ZCCHC8: variants seen among roughly 807,000 people sequenced by gnomAD.
The protein encoded by ZCCHC8 is zinc finger CCHC domain-containing protein 8.
A neutral mutation model predicts 70.6 loss-of-function variants in ZCCHC8; 27 were observed. The ratio of observed to expected loss-of-function variants is 0.38; its 90% CI spans 0.28 to 0.53. ZCCHC8 has a LOEUF of 0.53. Among genes scored for constraint, ZCCHC8 ranks in the 20% least tolerant of loss-of-function variants. ZCCHC8 has a pLI of 0.81. For synonymous variants in ZCCHC8, 293 were observed against 317.4 expected, an observed-to-expected ratio of 0.92 and a Z score of 0.82; for missense variants, 737 against 876.9, an observed-to-expected ratio of 0.84 and a Z score of 2.01.
intron 11 of ZCCHC8, among the ~76,000 whole-genome samples, chr12:122,478,977 G>A (rs999968494): frequency 1.4e-4 from 21 of 152,162 alleles, no homozygotes; most frequent in African/African-American, 4.8e-4. Context: ...ACACAGTCTT[G>A]CGTGATTGAG....
At chr12:122,478,752 A>C (rs1957472897) in intron 11 of ZCCHC8, among the ~76,000 whole-genome samples, 1 of 151,850 alleles carries the variant, frequency 6.6e-6, no homozygotes, top group Non-Finnish European at 1.5e-5. Context: ...TCTCATCTCC[A>C]ATCGCACATT....
At chr12:122,498,976 C>T in intron 1 of ZCCHC8, 107 bp from the exon 2 acceptor site, 3 of 1,051,060 alleles carry the variant, frequency 2.9e-6, no homozygotes, top group Non-Finnish European at 2.9e-6. Context: ...AGACAAAAGA[C>T]CCACGGATAT....
At chr12:122,478,883 G>A (rs1027803944) in intron 11 of ZCCHC8, among the ~76,000 whole-genome samples, 1 of 152,122 alleles carries the variant, frequency 6.6e-6, no homozygotes, top group African/African-American at 2.4e-5. Context: ...AGTATTCCCA[G>A]GGGACTCTGA....
At position 122,480,253 on chromosome 12, in the gene ZCCHC8, G is replaced by A. The variant is rs369863776; in HGVS notation, c.1077C>T (p.Tyr359=). The part of the protein sequence containing the change: ...GEIQQNKSVT[Y]DLSKLVNYPG... Reference sequence around the variant, plus strand: ...GATAGTTGACCAATTTTGAGAGATCGTAAGTGACACTTTTATTCTGTTGTA... The same window carrying A: ...GATAGTTGACCAATTTTGAGAGATCATAAGTGACACTTTTATTCTGTTGTA... Residue 359 remains tyrosine, a synonymous_variant, in exon 11 of 14, where the codon TAC becomes TAT. Transcript: ENST00000633063. 80 of 1,606,848 alleles carry A rather than the reference G, an allele frequency of 5.0e-5. No homozygotes were observed. The African/African-American group carries it at 8.1e-4, about 16-fold the overall frequency.
chr12:122,480,057 T>C (rs1484108079), intron 11 of ZCCHC8, 133 bp downstream of exon 11: 6 of 759,224 alleles, frequency 7.9e-6, no homozygotes, highest in Non-Finnish European at 1.2e-5. Flanking sequence ...AGTGATCATC[T>C]TGCCTCGGAC....
chr12:122,479,902 T>C (rs1185348010), intron 11 of ZCCHC8, among the ~76,000 whole-genome samples: 2 of 152,230 alleles, frequency 1.3e-5, no homozygotes, highest in African/African-American at 2.4e-5. Context: ...CTCACCTCAC[T>C]GTAACCTCTG....
At chr12:122,488,649 G>C (rs1050518666) in intron 5 of ZCCHC8, among the ~76,000 whole-genome samples, 1 of 151,960 alleles carries the variant, frequency 6.6e-6, no homozygotes, top group African/African-American at 2.4e-5. Context: ...AAGGAGGGTG[G>C]ATCACAAAGT....
At chr12:122,499,966 A>C (rs1024655705) in intron 1 of ZCCHC8, 2 of 152,230 alleles carry the variant, frequency 1.3e-5, no homozygotes, top group Non-Finnish European at 2.9e-5. Context: ...CGTAAAAAAA[A>C]ACATACTAGC....
chr12:122,498,458 C>G lies in ZCCHC8; in HGVS notation c.242+369G>C, dbSNP rs1358873352. Among the ~76,000 whole-genome samples the G allele has an allele frequency of 2.0e-5, 3 of 151,888 alleles. 1 individual carries two copies. The South Asian group carries it at 6.2e-4, about 32-fold the overall frequency. On this transcript the variant is annotated intron_variant, in intron 2 of 13. Transcript: ENST00000633063. ...ATACTATAATTTTTTTTTTTAGGTGCTGGAATTACAGGCATGAGCCACCAG... is the reference window on the plus strand; with the variant it reads ...ATACTATAATTTTTTTTTTTAGGTGGTGGAATTACAGGCATGAGCCACCAG...
chr12:122,486,692 C>A (rs1216598537), intron 5 of ZCCHC8, among the ~76,000 whole-genome samples: 1 of 151,978 alleles, frequency 6.6e-6, no homozygotes, highest in Non-Finnish European at 1.5e-5. Flanking sequence ...GCCTCAGCCC[C>A]CTGAGTAGCT....
At chr12:122,479,509 A>G (rs1248946450) in intron 11 of ZCCHC8, among the ~76,000 whole-genome samples, 1 of 152,246 alleles carries the variant, frequency 6.6e-6, no homozygotes, top group Non-Finnish European at 1.5e-5. Context: ...TTGAGGGGAA[A>G]AAAGGCAAGA....
In ZCCHC8 at chr12:122,498,808, A is replaced by G; in HGVS notation, c.242+19T>C. 6.2e-7 allele frequency: 1 copy of G among 1,610,892 alleles called. No individual in the cohort carries two copies. Among genetic ancestry groups the G allele is most frequent in the Non-Finnish European group, 8.5e-7 (1 of 1,177,476 alleles). On this transcript the variant is annotated intron_variant, in intron 2 of 13. Coordinates refer to ENST00000633063, the MANE Select transcript of ZCCHC8 (RefSeq NM_017612.5). ...AAATAATAAGGGACAACTATGGAGTAATTTCAAAAATCTCATACCTCGGTC... is the reference window on the plus strand; with the variant it reads ...AAATAATAAGGGACAACTATGGAGTGATTTCAAAAATCTCATACCTCGGTC...
At chr12:122,489,115 A>G (rs1480529802) in intron 5 of ZCCHC8, among the ~76,000 whole-genome samples, 1 of 152,192 alleles carries the variant, frequency 6.6e-6, no homozygotes, top group Non-Finnish European at 1.5e-5. Context: ...CATGCTTTCT[A>G]TATCTTCATC....
At position 122,477,894 on chromosome 12, in the gene ZCCHC8, T is replaced by C; in HGVS notation, c.1292A>G (p.Gln431Arg). 1.2e-6 allele frequency: 2 copies of C among 1,613,950 alleles called. No individual in the cohort carries two copies. Among genetic ancestry groups the C allele is most frequent in the East Asian group, 2.2e-5 (1 of 44,888 alleles). ...TCCCGCTGAGTTGCTTTCATTCTTCTGCTTCTTTGGACTACCTGGGCTAGA... is the reference window on the plus strand; with the variant it reads ...TCCCGCTGAGTTGCTTTCATTCTTCCGCTTCTTTGGACTACCTGGGCTAGA... ...SHSSPGSPKK[Q>R]KNESNSAGSP... Residue 431 changes from glutamine (Q) to arginine (R), a missense_variant, in exon 13 of 14, where the codon CAG becomes CGG. Physicochemically the swap from Gln to Arg is conservative, Grantham distance 43 (BLOSUM62 1). Coordinates refer to ENST00000633063, the MANE Select transcript of ZCCHC8 (RefSeq NM_017612.5).
Position 122,483,708 on chromosome 12 carries a change from C to G in ZCCHC8, c.502-145G>C. 2.9e-6 allele frequency: 2 copies of G among 690,638 alleles called. No homozygotes were observed. The highest frequency in any genetic ancestry group is 4.0e-5 in the South Asian group (2 of 50,236). The allele number at this position is 690,638 out of a possible 1,614,324, so 42.8% of individuals were successfully genotyped here. ...ACTTCCTTGTTATTAAGGAGCCAGA[C>G]TTTGATGTGTAAGTAGAAACTACAT... is the stretch of plus-strand genomic sequence containing the variant. On this transcript the variant is annotated intron_variant, in intron 5 of 13. Coordinates refer to ENST00000633063, the MANE Select transcript of ZCCHC8 (RefSeq NM_017612.5). This position sits in a 1 kb window ranked among gnomAD's most constrained non-coding sequence, Gnocchi z 4.4.
intron 13 of ZCCHC8, among the ~76,000 whole-genome samples, chr12:122,476,997 G>A (rs964409467): frequency 2.6e-5 from 4 of 151,690 alleles, no homozygotes; most frequent in African/African-American, 7.3e-5. Flanking sequence ...ACTCCAGCCT[G>A]GGAGACAGTG....
Position 122,483,618 on chromosome 12 carries a change from A to G in ZCCHC8, c.502-55T>C. ...ATTTAAGCAGAAAAAAAGACATTAA[A>G]TAATGTAAGATTATGATTAACTGTT... On this transcript the variant is annotated intron_variant, in intron 5 of 13. Transcript: ENST00000633063. This position sits in a 1 kb window ranked among gnomAD's most constrained non-coding sequence, Gnocchi z 4.4. 8.0e-7 allele frequency: 1 copy of G among 1,255,144 alleles called. No homozygotes were observed. The highest frequency in any genetic ancestry group is 1.4e-5 in the South Asian group (1 of 73,352). 77.8% of individuals were successfully genotyped at this position (1,255,144 alleles called of 1,614,324 possible). A position where few individuals can be genotyped will look rare whatever the true frequency, so the allele number is the denominator to read the frequency against.
At chr12:122,475,059 T>G (rs1957392930) in intron 13 of ZCCHC8, among the ~76,000 whole-genome samples, 1 of 151,486 alleles carries the variant, frequency 6.6e-6, no homozygotes, top group Admixed American at 6.6e-5. Context: ...CCCAATTTTT[T>G]ATTTTTGAGA....
intron 13 of ZCCHC8, among the ~76,000 whole-genome samples, chr12:122,477,337 A>G (rs1957438879): frequency 1.3e-5 from 2 of 149,766 alleles, no homozygotes; most frequent in African/African-American, 4.9e-5. Flanking sequence ...TGTATTTTTA[A>G]TAGAGACAGG....
Sources: allele counts gnomAD v4.1 joint callset (sites outside exome capture counted in the v4.1 genomes callset), GRCh38; gene constraint gnomAD v4.1.1; non-coding constraint Gnocchi (gnomAD v3.1); transcripts MANE v1.5; gene names NCBI Gene and HGNC (gene_info 2026-07-23, HGNC 2026-07-21).